The following PSMA8 variants were observed in gnomAD, a reference collection of about 807,000 sequenced individuals.
The protein encoded by PSMA8 is proteasome 20S subunit alpha 8.
PSMA8 carries 18 observed loss-of-function variants against 32.4 expected under a neutral mutation model. That is an observed-to-expected ratio of 0.56 (90% CI 0.38 to 0.82). PSMA8 has a LOEUF of 0.82. Ranked by LOEUF, PSMA8 falls within the 40% of genes least tolerant of loss-of-function variation. PSMA8 has a pLI of 0.00. For missense variants in PSMA8, 298 were observed against 300.7 expected (o/e 0.99, Z 0.07); for synonymous variants, 104 against 98.1 (o/e 1.06, Z -0.36).
chr18:26,153,692 T>C (rs1308224904), intron 3 of PSMA8, among the ~76,000 whole-genome samples: 2 of 152,110 alleles, frequency 1.3e-5, no homozygotes, highest in African/African-American at 2.4e-5. Context: ...GCCAGAATTT[T>C]GGAGTTTAAA....
At chr18:26,171,219 A>G in intron 4 of PSMA8, 1 of 1,559,202 alleles carries the variant, frequency 6.4e-7, no homozygotes, top group Non-Finnish European at 8.5e-7. Context: ...TGGCCAGGGC[A>G]GGTCCCCGTT....
chr18:26,173,194 C>T (rs1173746351), intron 4 of PSMA8, among the ~76,000 whole-genome samples: 2 of 152,138 alleles, frequency 1.3e-5, no homozygotes, highest in African/African-American at 2.4e-5. Context: ...CTCTCCAACC[C>T]GAAGCTTATT....
chr18:26,187,161 A>C (rs1053013987), intron 6 of PSMA8, among the ~76,000 whole-genome samples: 5 of 152,232 alleles, frequency 3.3e-5, no homozygotes, highest in African/African-American at 1.2e-4. Flanking sequence ...CCTGGCCAAC[A>C]TGGTGAAAAC....
At chr18:26,182,364 G>A (rs182621762) in intron 6 of PSMA8, among the ~76,000 whole-genome samples, 1 of 152,302 alleles carries the variant, frequency 6.6e-6, no homozygotes, top group African/African-American at 2.4e-5. Flanking sequence ...GGCTTCAAGG[G>A]ACGGACTGTC....
At chr18:26,147,975 A>G (rs182575349) in intron 2 of PSMA8, among the ~76,000 whole-genome samples, 1 of 152,292 alleles carries the variant, frequency 6.6e-6, no homozygotes, top group East Asian at 1.9e-4. Context: ...ACCTTGCTCA[A>G]TAAGATATAT....
intron 2 of PSMA8, among the ~76,000 whole-genome samples, chr18:26,149,120 G>A (rs929444115): frequency 1.3e-5 from 2 of 152,090 alleles, no homozygotes; most frequent in African/African-American, 4.8e-5. Context: ...TACAATAAAG[G>A]TGTGAGTCAC....
Position 26,183,753 on chromosome 18 carries a change from A to G in PSMA8, c.660+4623A>G, listed in dbSNP as rs745712201. On this transcript the variant is annotated intron_variant, in intron 6 of 6. Coordinates refer to ENST00000415576, the MANE Select transcript of PSMA8 (RefSeq NM_001025096.2). ...GACAAGGTTTGAGAGGATTGACTCC[A>G]GTTCTGAAAAGTTCAATTGTGAGTA... 7.1e-4 allele frequency among the ~76,000 whole-genome samples: 107 copies of G among 151,110 alleles called. 7 individuals carry two copies. The highest frequency in any genetic ancestry group is 3.4e-3 in the Middle Eastern group (1 of 294).
At chr18:26,157,157 G>C (rs959940634) in intron 3 of PSMA8, among the ~76,000 whole-genome samples, 3 of 151,732 alleles carry the variant, frequency 2.0e-5, no homozygotes, top group African/African-American at 7.3e-5. Context: ...TGATACATAG[G>C]CAAGACCAGG....
chr18:26,154,423 GA>G (rs1193223782), intron 3 of PSMA8, among the ~76,000 whole-genome samples: 1 of 152,066 alleles, frequency 6.6e-6, no homozygotes, highest in Non-Finnish European at 1.5e-5. Flanking sequence ...ACAAGGAACA[GA>G]ACATTGTATA....
chr18:26,157,557 G>T (rs1464396496), intron 3 of PSMA8, among the ~76,000 whole-genome samples: 1 of 152,126 alleles, frequency 6.6e-6, no homozygotes, highest in African/African-American at 2.4e-5. Context: ...GTGACCCATT[G>T]TCTGTGAGGA....
intron 1 of PSMA8, among the ~76,000 whole-genome samples, chr18:26,135,130 C>T (rs923315932): frequency 1.3e-5 from 2 of 152,108 alleles, no homozygotes; most frequent in Non-Finnish European, 2.9e-5. Flanking sequence ...TTAAAAAATA[C>T]TCAGGGTAGG....
Position 26,163,243 on chromosome 18 carries a change from ATATATAT to A in PSMA8, c.477+5000_477+5006del, listed in dbSNP as rs1426825359. On this transcript the variant is annotated intron_variant, in intron 4 of 6. Transcript: ENST00000415576. ...TATATATATATATATATATATATAT[ATATATAT>A]ATATATATATATGCTGTGAGTAAAA... is the stretch of plus-strand genomic sequence containing the variant. Among the ~76,000 whole-genome samples, 13 of 124,188 alleles carry A rather than the reference ATATATAT, an allele frequency of 1.0e-4. 1 individual carries two copies. Among genetic ancestry groups the A allele is most frequent in the African/African-American group, 4.5e-4 (13 of 29,138 alleles). The allele number at this position is 124,188 out of a possible 152,430, so 81.5% of individuals were successfully genotyped here.
intron 3 of PSMA8, among the ~76,000 whole-genome samples, chr18:26,154,789 G>A (rs2055074234): frequency 6.6e-6 from 1 of 151,970 alleles, no homozygotes; most frequent in Non-Finnish European, 1.5e-5. Context: ...GCTAATTTTT[G>A]TATTTTCAGT....
Position 26,134,053 on chromosome 18 carries a change from A to G in PSMA8, c.88A>G (p.Lys30Glu). ...QVEYAQEAVK[K>E]GSTAVGIRGT... ...TGAATATGCCCAGGAAGCGGTGAAG[A>G]AAGGATCCACCGCGGTGAGGAAGCA... Residue 30 changes from lysine to glutamate, a missense_variant, in exon 1 of 7, where the codon AAA becomes GAA. Transcript: ENST00000415576. The G allele has an allele frequency of 6.2e-7, 1 of 1,613,260 alleles. No individual in the cohort carries two copies. The highest frequency in any genetic ancestry group is 8.5e-7 in the Non-Finnish European group (1 of 1,179,274).
At chr18:26,172,048 T>C (rs1199885754) in intron 4 of PSMA8, among the ~76,000 whole-genome samples, 1 of 152,236 alleles carries the variant, frequency 6.6e-6, no homozygotes, top group Non-Finnish European at 1.5e-5. Flanking sequence ...CTCCTTGTTT[T>C]ATAGCAAGCA....
intron 4 of PSMA8, among the ~76,000 whole-genome samples, chr18:26,175,165 G>C (rs1401239304): frequency 6.6e-6 from 1 of 152,150 alleles, no homozygotes; most frequent in Non-Finnish European, 1.5e-5. Context: ...CTTTTTCTTA[G>C]TGTGGGAGAG....
rs2055344088 is a variant in PSMA8, at chr18:26,185,274, C to T, written c.660+6144C>T. On this transcript the variant is annotated intron_variant, in intron 6 of 6. Transcript: ENST00000415576. ...ACAAAAAAACTCCAACTCATAGTGA[C>T]TTAAAGAACAAGAAATCGTTTTTTC... Among the ~76,000 whole-genome samples the T allele has an allele frequency of 2.7e-5, 4 of 150,388 alleles. 1 individual carries two copies. The highest frequency in any genetic ancestry group is 9.8e-5 in the African/African-American group (4 of 40,636).
chr18:26,162,653 C>T (rs975773120), intron 4 of PSMA8, among the ~76,000 whole-genome samples: 6 of 152,052 alleles, frequency 3.9e-5, no homozygotes, highest in Non-Finnish European at 4.4e-5. Flanking sequence ...ATCACAAGGT[C>T]AGGAGATTGA....
intron 6 of PSMA8, among the ~76,000 whole-genome samples, chr18:26,190,690 A>C (rs1345982492): frequency 6.6e-6 from 1 of 152,230 alleles, no homozygotes; most frequent in Non-Finnish European, 1.5e-5. Context: ...CAGAGGTTGC[A>C]GTGAGCTGTG....
Sources: gnomAD v4.1 joint callset for allele counts (sites outside exome capture counted in the v4.1 genomes callset) on GRCh38, gnomAD v4.1.1 for gene constraint, MANE v1.5 for transcripts, NCBI Gene and HGNC (gene_info 2026-07-23, HGNC 2026-07-21) for gene names.